The following CPS1 variants were observed in gnomAD, a reference collection of about 807,000 sequenced individuals.
CPS1 encodes the protein carbamoyl-phosphate synthase 1, also known as carbamoyl-phosphate synthase [ammonia], mitochondrial.
CPS1 carries 109 observed loss-of-function variants against 174.6 expected under a neutral mutation model. That is an observed-to-expected ratio of 0.62 (90% CI 0.53 to 0.73). The LOEUF (loss-of-function observed/expected upper bound fraction) is 0.73. CPS1 is among the 30% of genes least tolerant of loss of function. CPS1 has a pLI of 0.00. For missense variants in CPS1, 1,689 were observed against 1,821.9 expected, an observed-to-expected ratio of 0.93 and a Z score of 1.33; for synonymous variants, 637 against 632.0, an observed-to-expected ratio of 1.01 and a Z score of -0.12.
At chr2:210,513,969 T>C (rs1695603567) in intron 1 of CPS1, among the ~76,000 whole-genome samples, 1 of 152,090 alleles carries the variant, frequency 6.6e-6, no homozygotes, top group South Asian at 2.1e-4. Context: ...CTTGTTTTTG[T>C]TGAGTTTGTC....
intron 21 of CPS1, among the ~76,000 whole-genome samples, chr2:210,628,799 C>CA (rs537569828): frequency 0.01 from 1,381 of 133,188 alleles, 15 homozygotes; most frequent in South Asian, 0.017. Context: ...GACTCTATCT[C>CA]AAAAAAAAAA....
chr2:210,609,179 A>G (rs930937591), intron 19 of CPS1, among the ~76,000 whole-genome samples: 4 of 152,118 alleles, frequency 2.6e-5, no homozygotes, highest in African/African-American at 9.6e-5. Context: ...ATGTGCTGTT[A>G]TACTATTTGA....
chr2:210,509,119 C>T (rs1237470092), intron 1 of CPS1, among the ~76,000 whole-genome samples: 1 of 152,128 alleles, frequency 6.6e-6, no homozygotes, highest in Non-Finnish European at 1.5e-5. Context: ...AACATCAATG[C>T]AAAAATCCTC....
Position 210,668,275 on chromosome 2 carries a change from A to T in CPS1, c.4092A>T (p.Ile1364=). Reference sequence around the variant, plus strand: ...AGATACCCCAGAAAGGCATCCTGATAGGCATCCAGGTAAGTGGTTTGTGGC... The same window carrying T: ...AGATACCCCAGAAAGGCATCCTGATTGGCATCCAGGTAAGTGGTTTGTGGC... ...GFKIPQKGIL[I]GIQQSFRPRF... The change falls in exon 34 of 38, where the codon ATA becomes ATT. Residue 1364 remains isoleucine (I), a synonymous_variant. Coordinates refer to ENST00000233072, the MANE Select transcript of CPS1 (RefSeq NM_001875.5). 6.2e-7 allele frequency: 1 copy of T among 1,612,220 alleles called. No individual in the cohort carries two copies. The highest frequency in any genetic ancestry group is 8.5e-7 in the Non-Finnish European group (1 of 1,178,272).
At chr2:210,560,762 G>A (rs1354715830) in intron 1 of CPS1, among the ~76,000 whole-genome samples, 2 of 152,126 alleles carry the variant, frequency 1.3e-5, no homozygotes, top group Non-Finnish European at 2.9e-5. Flanking sequence ...TTACATTGTA[G>A]TAGCTTTAAA....
chr2:210,609,894 A>G (rs1390571695), intron 19 of CPS1, among the ~76,000 whole-genome samples: 1 of 152,008 alleles, frequency 6.6e-6, no homozygotes. Flanking sequence ...TTACTGGTCT[A>G]TCATATTCAC....
rs374840551 is a variant in CPS1 at position 210,538,353 on chromosome 2, A to G, written c.4-18366A>G. Among the ~76,000 whole-genome samples the G allele has an allele frequency of 2.0e-4, 31 of 152,258 alleles. No homozygotes were observed. The East Asian group carries it at 5.4e-3, about 27-fold the overall frequency. On this transcript the variant is annotated intron_variant, in intron 1 of 38. Coordinates refer to the CPS1 transcript ENST00000430249. The stretch of plus-strand genomic sequence containing the variant: ...CACATTTGAAATATCCTACTTTTGT[A>G]TATTACAGATTGCATGAAATAGCCC...
upstream of CPS1, among the ~76,000 whole-genome samples, chr2:210,554,220 C>CAT (rs1348082795): frequency 6.6e-3 from 898 of 135,266 alleles, 56 homozygotes; most frequent in African/African-American, 0.024. Context: ...TATATATACA[C>CAT]ACACATATAT....
chr2:210,482,237 C>A (rs1001599039), intron 1 of CPS1, among the ~76,000 whole-genome samples: 7 of 152,070 alleles, frequency 4.6e-5, no homozygotes, highest in Non-Finnish European at 7.4e-5. Flanking sequence ...TCCCAGACCT[C>A]AGGAGGTTTG....
chr2:210,625,230 C>A (rs937826059), intron 21 of CPS1, among the ~76,000 whole-genome samples: 10 of 151,902 alleles, frequency 6.6e-5, no homozygotes, highest in Admixed American at 5.9e-4. Flanking sequence ...TATTGGGTAT[C>A]TACTATGTGT....
At chr2:210,512,583 T>C (rs543638985) in intron 1 of CPS1, among the ~76,000 whole-genome samples, 1 of 151,296 alleles carries the variant, frequency 6.6e-6, no homozygotes, top group Non-Finnish European at 1.5e-5. Flanking sequence ...ATATGCAGCA[T>C]GTTTTCTTTG....
rs1414802360 is a variant in CPS1, at chr2:210,678,409, A to C, written c.*424A>C. The C allele has an allele frequency of 1.0e-5, 2 of 198,998 alleles. No homozygotes were observed. The highest frequency in any genetic ancestry group is 2.1e-3 in the Middle Eastern group (1 of 484). The allele number at this position is 198,998 out of a possible 1,614,324, so 12.3% of individuals were successfully genotyped here. ...ACTTTAACAGGGCAGAATACTCTAA[A>C]AACTTGATAAAATTAAATATAGATT... On this transcript the variant is annotated 3_prime_UTR_variant, in exon 38 of 38. Transcript: ENST00000233072.
At position 210,590,914 on chromosome 2, in the gene CPS1, A is replaced by G; in HGVS notation, c.947+8A>G. 1 of 1,608,270 alleles carries G rather than the reference A, an allele frequency of 6.2e-7. No individual in the cohort carries two copies. The highest frequency in any genetic ancestry group is 8.5e-7 in the Non-Finnish European group (1 of 1,176,052). On this transcript the variant is annotated splice_region_variant and intron_variant, in intron 9 of 37. Coordinates refer to ENST00000233072, the MANE Select transcript of CPS1 (RefSeq NM_001875.5). ...GATGTCCATGGCCAACAGGTGAGGT[A>G]TTTTCACTTTTGCTTACAGTAAACC...
intron 11 of CPS1, chr2:210,593,278 C>T: frequency 1.1e-6 from 1 of 951,886 alleles, no homozygotes; most frequent in Non-Finnish European, 1.4e-6. Context: ...TTTGCTCTCT[C>T]TCGTTCTCAT....
chr2:210,614,907 A>G (rs1289274968), intron 20 of CPS1, among the ~76,000 whole-genome samples: 1 of 151,890 alleles, frequency 6.6e-6, no homozygotes, highest in Non-Finnish European at 1.5e-5. Context: ...TAGGGGATGC[A>G]TAGCACTAGG....
At chr2:210,554,250 C>T (rs1286074581), upstream of CPS1, among the ~76,000 whole-genome samples, 1 of 145,602 alleles carries the variant, frequency 6.9e-6, no homozygotes, top group Non-Finnish European at 1.5e-5. Context: ...TATATATATA[C>T]ACACACATAT....
At chr2:210,598,821 C>G (rs1453327976) in intron 13 of CPS1, among the ~76,000 whole-genome samples, 1 of 151,778 alleles carries the variant, frequency 6.6e-6, no homozygotes, top group Admixed American at 6.6e-5. Flanking sequence ...AGAAATTTAA[C>G]AAAGATATTC....
intron 27 of CPS1, among the ~76,000 whole-genome samples, chr2:210,649,350 C>G (rs1700491941): frequency 6.6e-6 from 1 of 152,152 alleles, no homozygotes; most frequent in South Asian, 2.1e-4. Context: ...AATAAAACAG[C>G]TTTGACTATC....
At chr2:210,511,316 G>A (rs1189424088) in intron 1 of CPS1, among the ~76,000 whole-genome samples, 3 of 152,024 alleles carry the variant, frequency 2.0e-5, no homozygotes, top group Admixed American at 1.3e-4. Context: ...TTACTCATAG[G>A]TGGGAAATGA....
Sources: gnomAD v4.1 joint callset for allele counts (sites outside exome capture counted in the v4.1 genomes callset) on GRCh38, gnomAD v4.1.1 for gene constraint, MANE v1.5 for transcripts, NCBI Gene and HGNC (gene_info 2026-07-23, HGNC 2026-07-21) for gene names.